SLC1A3: variants seen among roughly 807,000 people sequenced by gnomAD.
SLC1A3 encodes the protein excitatory amino acid transporter 1.
SLC1A3 carries 21 observed loss-of-function variants against 48.1 expected under a neutral mutation model. The ratio of observed to expected loss-of-function variants is 0.44; its 90% confidence interval spans 0.31 to 0.63. SLC1A3 has a LOEUF of 0.63. SLC1A3 is among the 20% of genes least tolerant of loss of function. The pLI is 0.08. For missense variants in SLC1A3, 546 were observed against 689.0 expected (o/e 0.79, Z 2.32); for synonymous variants, 239 against 251.4 (o/e 0.95, Z 0.47).
At chr5:36,677,237 A>C in intron 6 of SLC1A3, 53 bp downstream of exon 6, 1 of 1,506,286 alleles carries the variant, frequency 6.6e-7, no homozygotes, top group Middle Eastern at 1.8e-4. Flanking sequence ...TATTGCCATC[A>C]ACATGTGTTC....
chr5:36,643,151 T>G (rs1740687681), intron 3 of SLC1A3, among the ~76,000 whole-genome samples: 1 of 152,206 alleles, frequency 6.6e-6, no homozygotes, highest in South Asian at 2.1e-4. Context: ...GACATACATT[T>G]TCATTTCTCT....
chr5:36,665,987 G>A (rs1207665678), intron 3 of SLC1A3, among the ~76,000 whole-genome samples: 5 of 152,218 alleles, frequency 3.3e-5, no homozygotes, highest in South Asian at 4.2e-4. Context: ...TCTATAAAGG[G>A]GCCAGAAGAA....
chr5:36,679,573 G>A (rs1404054333), intron 6 of SLC1A3, 54 bp from the exon 7 acceptor site: 34 of 1,265,846 alleles, frequency 2.7e-5, no homozygotes, highest in Middle Eastern at 4.1e-4. Context: ...AAATTTCTGT[G>A]GACTAGCTTG....
intron 2 of SLC1A3, among the ~76,000 whole-genome samples, chr5:36,625,205 C>T (rs181422445): frequency 1.7e-3 from 257 of 152,360 alleles, no homozygotes; most frequent in Non-Finnish European, 3.1e-3. Flanking sequence ...CGCCTGTAAT[C>T]CTAGCACTTC....
chr5:36,628,420 C>G (rs1418838725), intron 2 of SLC1A3, among the ~76,000 whole-genome samples: 2 of 152,156 alleles, frequency 1.3e-5, no homozygotes, highest in African/African-American at 2.4e-5. Context: ...CACCAACCCA[C>G]CACCCCCAGC....
intron 2 of SLC1A3, among the ~76,000 whole-genome samples, chr5:36,616,967 G>A (rs749453761): frequency 6.6e-5 from 10 of 152,184 alleles, no homozygotes; most frequent in Non-Finnish European, 1.3e-4. Context: ...AAGCAAACCT[G>A]AGATTCAACA....
At chr5:36,648,620 A>G (rs753429506) in intron 3 of SLC1A3, among the ~76,000 whole-genome samples, 5 of 152,210 alleles carry the variant, frequency 3.3e-5, no homozygotes, top group Admixed American at 6.5e-5. Context: ...ACACTGAGCT[A>G]CTGATAACAA....
rs777628859 is a variant in SLC1A3, at chr5:36,680,490, T to C, written c.1190T>C (p.Ile397Thr). Reference sequence around the variant, plus strand: ...TTCGTGCTCCCCGTAGGAGCCACCATTAACATGGATGGGACTGCCCTCTAT... The same window carrying C: ...TTCGTGCTCCCCGTAGGAGCCACCACTAACATGGATGGGACTGCCCTCTAT... ...TRFVLPVGAT[I>T]NMDGTALYEA... The change falls in exon 8 of 10, where the codon ATT becomes ACT. Residue 397 changes from isoleucine to threonine, a missense_variant. Around this residue, in one of 3 missense-constraint regions of SLC1A3, gnomAD observed 142 missense variants for 238.0 expected, o/e 0.60. Transcript: ENST00000265113. 3 of 1,614,164 alleles carry C rather than the reference T, an allele frequency of 1.9e-6. No individual in the cohort carries two copies. Among genetic ancestry groups the C allele is most frequent in the South Asian group, 2.2e-5 (2 of 91,090 alleles).
At chr5:36,653,589 T>C (rs1460175880) in intron 3 of SLC1A3, among the ~76,000 whole-genome samples, 1 of 152,174 alleles carries the variant, frequency 6.6e-6, no homozygotes. Context: ...AGAACTCCAA[T>C]GTATAGTTTA....
intron 3 of SLC1A3, among the ~76,000 whole-genome samples, chr5:36,660,337 T>A (rs532238079): frequency 6.6e-6 from 1 of 152,268 alleles, no homozygotes; most frequent in South Asian, 2.1e-4. Flanking sequence ...CACAATTTTC[T>A]TGTATAATTT....
intron 3 of SLC1A3, among the ~76,000 whole-genome samples, chr5:36,664,209 C>G (rs1741638774): frequency 6.6e-6 from 1 of 152,192 alleles, no homozygotes; most frequent in Non-Finnish European, 1.5e-5. Flanking sequence ...TCTCAGCTCA[C>G]TGCAACCTCT....
At position 36,630,958 on chromosome 5, in the gene SLC1A3, A is replaced by G. The variant is rs551019537; in HGVS notation, c.319+1371A>G. On this transcript the variant is annotated intron_variant, in intron 3 of 9. Coordinates refer to ENST00000265113, the MANE Select transcript of SLC1A3 (RefSeq NM_004172.5). ...CTACAGTTCTTACCACAAAAGCTATATTCATGCTGACATGAGGGCACATGC... is the reference window on the plus strand; with the variant it reads ...CTACAGTTCTTACCACAAAAGCTATGTTCATGCTGACATGAGGGCACATGC... Among the ~76,000 whole-genome samples, 3 of 152,342 alleles carry G rather than the reference A, an allele frequency of 2.0e-5. No individual in the cohort carries two copies. The South Asian group carries it at 6.2e-4, about 32-fold the overall frequency.
At chr5:36,659,603 T>A (rs900340764) in intron 3 of SLC1A3, among the ~76,000 whole-genome samples, 1 of 152,118 alleles carries the variant, frequency 6.6e-6, no homozygotes, top group Non-Finnish European at 1.5e-5. Flanking sequence ...AGCCCTGGAG[T>A]TCATGTTGAT....
At chr5:36,628,933 C>T (rs781534487) in intron 2 of SLC1A3, among the ~76,000 whole-genome samples, 1 of 151,838 alleles carries the variant, frequency 6.6e-6, no homozygotes, top group African/African-American at 2.4e-5. Context: ...GGTGTGAAGA[C>T]AGGGAGATGA....
intron 1 of SLC1A3, among the ~76,000 whole-genome samples, chr5:36,596,786 T>C (rs1738746158): frequency 6.6e-6 from 1 of 152,238 alleles, no homozygotes; most frequent in Admixed American, 6.5e-5. Context: ...GTGCTTCTTC[T>C]AGTCTTGTCT....
chr5:36,650,927 A>G (rs1741034237), intron 3 of SLC1A3, among the ~76,000 whole-genome samples: 1 of 152,190 alleles, frequency 6.6e-6, no homozygotes, highest in Non-Finnish European at 1.5e-5. Flanking sequence ...AATTGTCTGC[A>G]AAATAAGCTT....
intron 2 of SLC1A3, among the ~76,000 whole-genome samples, chr5:36,619,290 C>G (rs1739571454): frequency 6.6e-6 from 1 of 152,186 alleles, no homozygotes; most frequent in African/African-American, 2.4e-5. Flanking sequence ...GACCAGGGAC[C>G]AGCAGAACTC....
At chr5:36,642,494 C>A (rs935852415) in intron 3 of SLC1A3, among the ~76,000 whole-genome samples, 1 of 152,098 alleles carries the variant, frequency 6.6e-6, no homozygotes, top group Non-Finnish European at 1.5e-5. Context: ...AAAATTATTT[C>A]TTGGTATTGA....
intron 2 of SLC1A3, among the ~76,000 whole-genome samples, chr5:36,612,033 CT>C (rs1331300533): frequency 2.0e-5 from 3 of 152,128 alleles, no homozygotes; most frequent in African/African-American, 7.2e-5. Flanking sequence ...ACACAGTAAA[CT>C]AGCAGCTTTC....
Sources: allele counts gnomAD v4.1 joint callset (sites outside exome capture counted in the v4.1 genomes callset), GRCh38; gene constraint gnomAD v4.1.1; regional missense constraint gnomAD v4.1.1; transcripts MANE v1.5; gene names NCBI Gene and HGNC (gene_info 2026-07-23, HGNC 2026-07-21).